Variants in ATAD2B observed in about 807,000 individuals in gnomAD.
ATAD2B encodes ATPase family AAA domain-containing protein 2B.
ATAD2B carries 40 observed loss-of-function variants against 167.6 expected under a neutral mutation model. The ratio of observed to expected loss-of-function variants is 0.24; its 90% confidence interval spans 0.19 to 0.31. The LOEUF (loss-of-function observed/expected upper bound fraction) is 0.31. Ranked by LOEUF, ATAD2B falls within the 10% of genes least tolerant of loss-of-function variation. The pLI is 1.00. For synonymous variants in ATAD2B, 579 were observed against 596.5 expected (o/e 0.97, Z 0.43); for missense variants, 1,242 against 1,757.2 (o/e 0.71, Z 5.24).
chr2:23,738,970 T>A, the ATAD2B span, among the ~76,000 whole-genome samples: 4 of 152,086 alleles, frequency 2.6e-5, no homozygotes, highest in African/African-American at 9.7e-5. Context: ...TACATAATGA[T>A]AAAGGGATCA....
intron 18 of ATAD2B, among the ~76,000 whole-genome samples, chr2:23,801,391 G>A (rs1324378537): frequency 1.3e-5 from 2 of 151,934 alleles, no homozygotes; most frequent in African/African-American, 4.8e-5. Flanking sequence ...TCAATGAAGC[G>A]GCAACTGGCT....
At chr2:23,885,272 A>G (rs569310655) in intron 5 of ATAD2B, among the ~76,000 whole-genome samples, 2 of 152,230 alleles carry the variant, frequency 1.3e-5, no homozygotes, top group Non-Finnish European at 2.9e-5. Context: ...GCAGTATCTG[A>G]AATGAACCTT....
At chr2:23,787,983 AAC>A (rs1236449630) in intron 20 of ATAD2B, among the ~76,000 whole-genome samples, 4 of 152,126 alleles carry the variant, frequency 2.6e-5, no homozygotes, top group Non-Finnish European at 1.5e-5. Context: ...AGAAAAATCT[AAC>A]ACTTAAAACA....
chr2:23,831,796 A>T (rs1368320567), intron 14 of ATAD2B, among the ~76,000 whole-genome samples: 1 of 152,176 alleles, frequency 6.6e-6, no homozygotes, highest in Non-Finnish European at 1.5e-5. Flanking sequence ...TATTGAGGAC[A>T]TCTCTCAATT....
chr2:23,733,340 T>A, the ATAD2B span, among the ~76,000 whole-genome samples: 1 of 152,176 alleles, frequency 6.6e-6, no homozygotes, highest in Non-Finnish European at 1.5e-5. Context: ...CTCCTCAAGT[T>A]CCGTGACCCC....
intron 6 of ATAD2B, 78 bp downstream of exon 6, chr2:23,884,687 T>C: frequency 1.4e-6 from 1 of 737,678 alleles, no homozygotes; most frequent in Non-Finnish European, 2.1e-6. Context: ...AGCAACATTC[T>C]ACATATATTA....
chr2:23,837,540 C>T (rs1690200071), intron 13 of ATAD2B, among the ~76,000 whole-genome samples: 1 of 152,208 alleles, frequency 6.6e-6, no homozygotes, highest in South Asian at 2.1e-4. Flanking sequence ...GGGTGGGATT[C>T]CCACTTGTCC....
chr2:23,896,269 G>A (rs1700144025), intron 1 of ATAD2B, among the ~76,000 whole-genome samples: 1 of 151,140 alleles, frequency 6.6e-6, no homozygotes, highest in Non-Finnish European at 1.5e-5. Flanking sequence ...AGGCTGCCGT[G>A]AGCCGAGATC....
At position 23,754,788 on chromosome 2, in the gene ATAD2B, A is replaced by C. The variant is rs1675760820; in HGVS notation, c.4079-14T>G. Reference sequence around the variant, plus strand: ...CTTTAGAAGCACCTATAATTGAGACAAAAAAATACACTGCAGCAAGTAAAA... The same window carrying C: ...CTTTAGAAGCACCTATAATTGAGACCAAAAAATACACTGCAGCAAGTAAAA... On this transcript the variant is annotated splice_polypyrimidine_tract_variant and intron_variant, in intron 25 of 27. Transcript: ENST00000238789. The C allele has an allele frequency of 3.1e-6, 5 of 1,601,862 alleles. No homozygotes were observed. Among genetic ancestry groups the C allele is most frequent in the African/African-American group, 2.7e-5 (2 of 74,208 alleles).
intron 2 of ATAD2B, among the ~76,000 whole-genome samples, chr2:23,892,712 C>T (rs1430933278): frequency 6.6e-6 from 1 of 152,090 alleles, no homozygotes; most frequent in Non-Finnish European, 1.5e-5. Context: ...TCAAGTGATC[C>T]ACCACCCTTG....
chr2:23,882,265 G>A (rs1482043415), intron 6 of ATAD2B, among the ~76,000 whole-genome samples: 6 of 151,148 alleles, frequency 4.0e-5, no homozygotes, highest in Admixed American at 2.0e-4. Context: ...GCATGATCTT[G>A]GCTCACTGAA....
chr2:23,807,827 AAAT>A (rs1358739063), intron 18 of ATAD2B, among the ~76,000 whole-genome samples: 60 of 110,684 alleles, frequency 5.4e-4, no homozygotes, highest in African/African-American at 1.1e-3. Flanking sequence ...AAAAAAAAAA[AAAT>A]ATATATATAT....
At chr2:23,700,166 A>ACTC in the ATAD2B span, among the ~76,000 whole-genome samples, 1 of 151,758 alleles carries the variant, frequency 6.6e-6, no homozygotes. The surrounding 1 kb of genome is among the most constrained non-coding windows in gnomAD (Gnocchi z 4.6). Flanking sequence ...ATCCAGTTGG[A>ACTC]CTCCTTCCTA....
At chr2:23,795,267 T>C (rs1013922864) in intron 19 of ATAD2B, among the ~76,000 whole-genome samples, 6 of 152,206 alleles carry the variant, frequency 3.9e-5, no homozygotes, top group Admixed American at 1.3e-4. Flanking sequence ...ACCATACACA[T>C]TGATTTATTA....
the ATAD2B span, among the ~76,000 whole-genome samples, chr2:23,694,842 A>G: frequency 6.6e-6 from 1 of 151,914 alleles, no homozygotes; most frequent in Admixed American, 6.6e-5. Flanking sequence ...ACCCACTACA[A>G]ACCCTCACTA....
At chr2:23,691,395 G>A in the ATAD2B span, 8 of 487,436 alleles carry the variant, frequency 1.6e-5, no homozygotes, top group East Asian at 1.2e-4. Flanking sequence ...CCTGGTCCTC[G>A]TCCCCATCCA....
the ATAD2B span, chr2:23,706,929 C>T: frequency 5.9e-5 from 22 of 374,270 alleles, no homozygotes; most frequent in African/African-American, 3.9e-4. Context: ...CTCGCTCTGC[C>T]AGGTGCAATA....
intron 1 of ATAD2B, among the ~76,000 whole-genome samples, chr2:23,906,003 T>C (rs891303798): frequency 1.3e-5 from 2 of 152,096 alleles, no homozygotes; most frequent in African/African-American, 4.8e-5. Flanking sequence ...AAATTTAAAA[T>C]ACACATTATC....
chr2:23,836,108 C>G (rs1689912221), intron 13 of ATAD2B, among the ~76,000 whole-genome samples: 1 of 151,430 alleles, frequency 6.6e-6, no homozygotes, highest in Admixed American at 6.6e-5. Flanking sequence ...ACACTACCAG[C>G]CTGTATCCCA....
Sources: gnomAD v4.1 joint callset for allele counts (sites outside exome capture counted in the v4.1 genomes callset) on GRCh38, gnomAD v4.1.1 for gene constraint, Gnocchi (gnomAD v3.1) non-coding constraint, MANE v1.5 for transcripts, NCBI Gene and HGNC (gene_info 2026-07-23, HGNC 2026-07-21) for gene names.